SCAPER: variants seen among roughly 807,000 people sequenced by gnomAD.
SCAPER encodes the protein S phase cyclin A-associated protein in the endoplasmic reticulum.
SCAPER carries 98 observed loss-of-function variants against 182.2 expected under a neutral mutation model. The observed-to-expected ratio is 0.54, with a 90% confidence interval of 0.46 to 0.64. SCAPER has a LOEUF of 0.64. Ranked by LOEUF, SCAPER falls within the 30% of genes least tolerant of loss-of-function variation. SCAPER has a pLI of 0.00. For synonymous variants in SCAPER, 605 were observed against 564.6 expected, an observed-to-expected ratio of 1.07 and a Z score of -1.01; for missense variants, 1,432 against 1,690.0, an observed-to-expected ratio of 0.85 and a Z score of 2.68.
chr15:76,859,425 T>C (rs906686482), intron 3 of SCAPER, among the ~76,000 whole-genome samples: 10 of 152,226 alleles, frequency 6.6e-5, no homozygotes, highest in African/African-American at 2.4e-4. Context: ...CAAGCTGTAA[T>C]GTACCAGCAG....
At chr15:76,834,765 A>G (rs1328693232) in intron 5 of SCAPER, among the ~76,000 whole-genome samples, 1 of 152,176 alleles carries the variant, frequency 6.6e-6, no homozygotes, top group Non-Finnish European at 1.5e-5. Flanking sequence ...AGAGACTATT[A>G]GAGACACTTC....
At chr15:76,518,201 C>T (rs2042581923) in intron 23 of SCAPER, among the ~76,000 whole-genome samples, 1 of 152,092 alleles carries the variant, frequency 6.6e-6, no homozygotes, top group South Asian at 2.1e-4. Context: ...CAGCTCAAGC[C>T]CCAGCTGGCC....
chr15:76,587,040 T>C (rs2048717519), intron 22 of SCAPER, among the ~76,000 whole-genome samples: 1 of 151,970 alleles, frequency 6.6e-6, no homozygotes, highest in South Asian at 2.1e-4. Flanking sequence ...GCTAGGAGGG[T>C]TGTATCTTTT....
intron 23 of SCAPER, among the ~76,000 whole-genome samples, chr15:76,556,182 A>G (rs1487042907): frequency 6.6e-6 from 1 of 152,232 alleles, no homozygotes; most frequent in African/African-American, 2.4e-5. Flanking sequence ...TTCTGGCTAA[A>G]CAATGAAAAT....
intron 27 of SCAPER, among the ~76,000 whole-genome samples, chr15:76,398,370 T>C (rs993627618): frequency 3.9e-5 from 6 of 152,248 alleles, no homozygotes; most frequent in African/African-American, 7.2e-5. Context: ...GATAGTTGTA[T>C]AGGCATCTTT....
intron 1 of SCAPER, among the ~76,000 whole-genome samples, chr15:76,890,778 G>C (rs1027713395): frequency 6.6e-6 from 1 of 152,076 alleles, no homozygotes; most frequent in Admixed American, 6.6e-5. Context: ...AAACTATTCC[G>C]ATCAATAGAA....
intron 21 of SCAPER, among the ~76,000 whole-genome samples, chr15:76,657,800 A>C (rs1356864607): frequency 6.6e-6 from 1 of 152,134 alleles, no homozygotes; most frequent in Non-Finnish European, 1.5e-5. Flanking sequence ...TATACACAAA[A>C]CTAAAAACAA....
chr15:76,874,814 A>T (rs916350922), intron 2 of SCAPER, among the ~76,000 whole-genome samples: 1 of 151,976 alleles, frequency 6.6e-6, no homozygotes, highest in Non-Finnish European at 1.5e-5. Flanking sequence ...ATAAAAAACA[A>T]ATAGCCAGGC....
In SCAPER at chr15:76,354,018, G is replaced by A. The variant is rs758438275; in HGVS notation, c.3978C>T (p.Tyr1326=). 32 of 1,606,990 alleles carry A rather than the reference G, an allele frequency of 2.0e-5. No homozygotes were observed. The highest frequency in any genetic ancestry group is 2.5e-5 in the Non-Finnish European group (30 of 1,178,032). The change falls in exon 30 of 32, where the codon TAC becomes TAT. Residue 1326 remains tyrosine (Y), a synonymous_variant. Transcript: ENST00000563290. The surrounding 1 kb of genome is among the most constrained non-coding windows in gnomAD (Gnocchi z 4.4). ...VLFPSLIAAC[Y]NNHQNKIILE... is the part of the protein sequence containing the mutation. ...GAATGATCTTGTTCTGATGGTTGTT[G>A]TAACAAGCAGCGATAAGTGAAGGGA...
chr15:76,774,800 C>A, intron 9 of SCAPER, 55 bp downstream of exon 9: 2 of 1,522,298 alleles, frequency 1.3e-6, no homozygotes, highest in South Asian at 1.3e-5. Context: ...TTCCAGTACA[C>A]ATGTACACAT....
intron 28 of SCAPER, chr15:76,380,904 C>T (rs1442344904): frequency 6.6e-6 from 1 of 152,426 alleles, no homozygotes; most frequent in Non-Finnish European, 1.5e-5. Flanking sequence ...TCATATCAAT[C>T]AATTTATCTA....
rs968104977 is a variant in SCAPER at position 76,874,484 on chromosome 15, T to TA, written c.6+9327dup. 3.4e-3 allele frequency among the ~76,000 whole-genome samples: 493 copies of TA among 143,570 alleles called. 1 individual carries two copies. The highest frequency in any genetic ancestry group is 0.012 in the African/African-American group (453 of 38,960). 94.2% of individuals were successfully genotyped at this position (143,570 alleles called of 152,430 possible). Reference sequence around the variant, plus strand: ...AGACCAACATGTGATACAGAAAAATTAAAAAAAAAACAAAAGTGAGTTATT... The same window carrying TA: ...AGACCAACATGTGATACAGAAAAATTAAAAAAAAAAACAAAAGTGAGTTATT... On this transcript the variant is annotated intron_variant, in intron 2 of 31. Coordinates refer to ENST00000563290, the MANE Select transcript of SCAPER (RefSeq NM_020843.4).
intron 1 of SCAPER, among the ~76,000 whole-genome samples, chr15:76,891,552 T>G (rs984945694): frequency 4.6e-5 from 7 of 152,160 alleles, no homozygotes; most frequent in Admixed American, 2.0e-4. Context: ...ATGAGTGAAC[T>G]CCCATTAACA....
At chr15:76,574,480 A>G (rs1013203597) in intron 22 of SCAPER, among the ~76,000 whole-genome samples, 196 bp from the exon 23 acceptor site, 1 of 152,190 alleles carries the variant, frequency 6.6e-6, no homozygotes, top group Admixed American at 6.5e-5. Flanking sequence ...TTCATTCTTC[A>G]TGGCACAAAA....
At chr15:76,564,780 C>T (rs558132156) in intron 23 of SCAPER, among the ~76,000 whole-genome samples, 18 of 152,218 alleles carry the variant, frequency 1.2e-4, no homozygotes, top group Admixed American at 5.2e-4. Flanking sequence ...TATTACAGGG[C>T]TACGATAACC....
intron 25 of SCAPER, among the ~76,000 whole-genome samples, chr15:76,466,322 TTCTC>T (rs138847911): frequency 8.6e-4 from 130 of 151,760 alleles, no homozygotes; most frequent in African/African-American, 3.0e-3. Flanking sequence ...AGTTTGCTGT[TTCTC>T]TCTTCTGCTT....
intron 17 of SCAPER, among the ~76,000 whole-genome samples, chr15:76,720,002 A>C (rs1345501128): frequency 6.6e-6 from 1 of 152,036 alleles, no homozygotes; most frequent in East Asian, 1.9e-4. Context: ...ATATGTATAC[A>C]TGTGCCATGT....
At chr15:76,864,330 ATAAAG>A (rs2072107413) in intron 2 of SCAPER, among the ~76,000 whole-genome samples, 1 of 152,226 alleles carries the variant, frequency 6.6e-6, no homozygotes, top group Non-Finnish European at 1.5e-5. Context: ...TAATATACAC[ATAAAG>A]TAGTTTCAAA....
At chr15:76,899,605 GTC>G (rs2074640601) in intron 1 of SCAPER, among the ~76,000 whole-genome samples, 1 of 152,182 alleles carries the variant, frequency 6.6e-6, no homozygotes, top group African/African-American at 2.4e-5. Context: ...AGTGAGCAGT[GTC>G]TCTGCCTGGC....
Sources: gnomAD v4.1 joint callset for allele counts (sites outside exome capture counted in the v4.1 genomes callset) on GRCh38, gnomAD v4.1.1 for gene constraint, Gnocchi (gnomAD v3.1) non-coding constraint, MANE v1.5 for transcripts, NCBI Gene and HGNC (gene_info 2026-07-23, HGNC 2026-07-21) for gene names.